Variants in BABAM2 observed in about 807,000 individuals in gnomAD.
The protein encoded by BABAM2 is BRISC and BRCA1-A complex member 2.
A neutral mutation model predicts 54.7 loss-of-function variants in BABAM2; 31 were observed. The ratio of observed to expected loss-of-function variants is 0.57; its 90% CI spans 0.43 to 0.77. The LOEUF (loss-of-function observed/expected upper bound fraction) is 0.77. BABAM2 is among the 30% of genes least tolerant of loss of function. The pLI, the probability that BABAM2 is intolerant of heterozygous loss-of-function variation, is 0.00. For synonymous variants in BABAM2, 167 were observed against 162.9 expected (o/e 1.03, Z -0.19); for missense variants, 364 against 455.8 (o/e 0.80, Z 1.83).
In BABAM2 at chr2:28,241,785, A is replaced by G. The variant is rs377057013; in HGVS notation, c.851+392A>G. Among the ~76,000 whole-genome samples, 33 of 148,578 alleles carry G rather than the reference A, an allele frequency of 2.2e-4. No homozygotes were observed. In the East Asian group the frequency reaches 2.6e-3, roughly 12 times the overall value. On this transcript the variant is annotated intron_variant, in intron 9 of 11. Coordinates refer to ENST00000379624, the MANE Select transcript of BABAM2 (RefSeq NM_199191.3). ...TGGGATTACAGGCGTGAGCCACCAC[A>G]CCCAGCCCCACATGATACCTTTTTA...
chr2:27,912,235 A>G (rs1411041901), intron 2 of BABAM2, among the ~76,000 whole-genome samples: 2 of 151,336 alleles, frequency 1.3e-5, no homozygotes, highest in Non-Finnish European at 2.9e-5. Flanking sequence ...CTACATTCGC[A>G]GACTCCTTAT....
intron 10 of BABAM2, among the ~76,000 whole-genome samples, chr2:28,296,253 C>CA (rs1687685457): frequency 6.6e-6 from 1 of 152,212 alleles, no homozygotes; most frequent in Admixed American, 6.5e-5. Context: ...TGCAGGGACT[C>CA]AAAAGCGATT....
chr2:27,905,733 T>C (rs1299479380), intron 2 of BABAM2, among the ~76,000 whole-genome samples: 1 of 152,202 alleles, frequency 6.6e-6, no homozygotes, highest in East Asian at 1.9e-4. Flanking sequence ...AGGAGCTCAC[T>C]CTCATCTAAC....
At chr2:28,161,977 A>G (rs1673146806) in intron 7 of BABAM2, among the ~76,000 whole-genome samples, 1 of 152,182 alleles carries the variant, frequency 6.6e-6, no homozygotes, top group African/African-American at 2.4e-5. Context: ...ACTATATTAT[A>G]TACTGCTTCC....
At chr2:28,252,385 T>A (rs1683581026) in intron 10 of BABAM2, among the ~76,000 whole-genome samples, 1 of 152,200 alleles carries the variant, frequency 6.6e-6, no homozygotes, top group Non-Finnish European at 1.5e-5. Flanking sequence ...ACATTTTGGT[T>A]AATTTTTATA....
intron 7 of BABAM2, among the ~76,000 whole-genome samples, chr2:28,230,455 C>A (rs1359613117): frequency 1.3e-5 from 2 of 152,006 alleles, no homozygotes; most frequent in African/African-American, 4.8e-5. Context: ...ATGGCTCACG[C>A]CTGTAAACCC....
chr2:28,225,639 A>G (rs530311466), intron 7 of BABAM2, among the ~76,000 whole-genome samples: 15 of 152,102 alleles, frequency 9.9e-5, no homozygotes, highest in South Asian at 4.2e-4. Context: ...TTCACCTAAC[A>G]TAGAAGTTAA....
At chr2:28,174,073 G>A (rs935492111) in intron 7 of BABAM2, among the ~76,000 whole-genome samples, 2 of 152,094 alleles carry the variant, frequency 1.3e-5, no homozygotes, top group Non-Finnish European at 2.9e-5. Context: ...TGATTAGAAT[G>A]GTACCTTCCA....
intron 3 of BABAM2, among the ~76,000 whole-genome samples, chr2:27,945,982 C>A (rs1161747821): frequency 6.6e-6 from 1 of 151,942 alleles, no homozygotes; most frequent in Non-Finnish European, 1.5e-5. Flanking sequence ...AGTTTTGTAT[C>A]TTCCTTTCCA....
intron 7 of BABAM2, among the ~76,000 whole-genome samples, chr2:28,184,180 C>G (rs1413343058): frequency 6.6e-6 from 1 of 151,816 alleles, no homozygotes; most frequent in Non-Finnish European, 1.5e-5. Flanking sequence ...AGAACTAGGA[C>G]TGCCTCCTAT....
chr2:28,130,309 C>T (rs982837588), intron 7 of BABAM2, among the ~76,000 whole-genome samples: 2 of 152,168 alleles, frequency 1.3e-5, no homozygotes, highest in Non-Finnish European at 2.9e-5. Context: ...ATGGACACAT[C>T]ATCTTAAAAA....
intron 11 of BABAM2, among the ~76,000 whole-genome samples, chr2:28,311,538 G>A (rs568126124): frequency 4.2e-4 from 64 of 152,238 alleles, no homozygotes; most frequent in Non-Finnish European, 5.4e-4. Flanking sequence ...GGGAAGAAAC[G>A]TACAGTAAGT....
At chr2:28,222,459 C>T (rs1001572289) in intron 7 of BABAM2, among the ~76,000 whole-genome samples, 22 of 152,226 alleles carry the variant, frequency 1.4e-4, no homozygotes, top group South Asian at 4.1e-4. Context: ...AAACTACTTT[C>T]GGCCCATTGA....
intron 6 of BABAM2, among the ~76,000 whole-genome samples, chr2:28,079,353 A>G (rs1197044685): frequency 6.6e-6 from 1 of 152,198 alleles, no homozygotes; most frequent in Non-Finnish European, 1.5e-5. Flanking sequence ...TCTAAGGGAA[A>G]AAAACCAAAC....
rs186373399 is a variant in BABAM2 at position 27,995,724 on chromosome 2, C to T, written c.300+7637C>T. On this transcript the variant is annotated intron_variant, in intron 4 of 11. Transcript: ENST00000379624. This position sits in a 1 kb window ranked among gnomAD's most constrained non-coding sequence, Gnocchi z 4.1. ...CCTCCCGAGTAGCTGGGACTACAGGCGCCCGCCACCACACCTGGCTAGTTT... is the reference window on the plus strand; with the variant it reads ...CCTCCCGAGTAGCTGGGACTACAGGTGCCCGCCACCACACCTGGCTAGTTT... 8.7e-3 allele frequency among the ~76,000 whole-genome samples: 1,327 copies of T among 152,060 alleles called. 15 individuals carry two copies. Among genetic ancestry groups the T allele is most frequent in the African/African-American group, 0.03 (1,238 of 41,476 alleles).
chr2:27,971,794 T>C (rs1671242081), intron 3 of BABAM2, among the ~76,000 whole-genome samples: 1 of 152,068 alleles, frequency 6.6e-6, no homozygotes, highest in Admixed American at 6.5e-5. Context: ...ACTACAACAA[T>C]CATAGAAAGG....
At chr2:28,254,881 A>G (rs2148114847) in intron 10 of BABAM2, among the ~76,000 whole-genome samples, 1 of 151,544 alleles carries the variant, frequency 6.6e-6, no homozygotes, top group East Asian at 1.9e-4. Context: ...CTATAGACAC[A>G]CACCACCATG....
intron 10 of BABAM2, among the ~76,000 whole-genome samples, chr2:28,250,278 G>T (rs918572461): frequency 6.6e-6 from 1 of 151,624 alleles, no homozygotes; most frequent in Non-Finnish European, 1.5e-5. Flanking sequence ...AAGCAGGCGT[G>T]GCTGGAGCAC....
At chr2:28,040,428 G>T (rs1450069284) in intron 5 of BABAM2, among the ~76,000 whole-genome samples, 2 of 148,464 alleles carry the variant, frequency 1.3e-5, no homozygotes, top group African/African-American at 4.9e-5. Flanking sequence ...AGCCTCCAGA[G>T]TAGCTGGGAC....
Sources: allele counts gnomAD v4.1 joint callset (sites outside exome capture counted in the v4.1 genomes callset), GRCh38; gene constraint gnomAD v4.1.1; non-coding constraint Gnocchi (gnomAD v3.1); transcripts MANE v1.5; gene names NCBI Gene and HGNC (gene_info 2026-07-23, HGNC 2026-07-21).